Variants in MEP1B observed in about 807,000 individuals in gnomAD.
The protein encoded by MEP1B is meprin A subunit beta, also known as N-benzoyl-L-tyrosyl-P-amino-benzoic acid hydrolase subunit beta.
In MEP1B, 80 loss-of-function variants were observed where a neutral mutation model predicts 84.6. That is an observed-to-expected ratio of 0.95 (90% CI 0.79 to 1.14). MEP1B has a LOEUF of 1.14. MEP1B is among the 50% of genes most tolerant of loss of function. MEP1B has a pLI of 0.00. For synonymous variants in MEP1B, 273 were observed against 288.1 expected (o/e 0.95, Z 0.53); for missense variants, 766 against 855.1 (o/e 0.90, Z 1.30).
chr18:32,217,854 T>C lies in MEP1B; in HGVS notation c.1980T>C (p.Thr660=), dbSNP rs2041109031. Residue 660 remains threonine, a synonymous_variant, in exon 14 of 15, where the codon ACT becomes ACC. Transcript: ENST00000269202. ...CCATAGTCATTGCTGTTTCATCTAC[T>C]GTTGCTGTGTTTGCCTTGATGCTGA... ...RDTIVIAVSS[T]VAVFALMLII... The C allele has an allele frequency of 3.1e-6, 5 of 1,613,766 alleles. No homozygotes were observed. The highest frequency in any genetic ancestry group is 1.3e-5 in the African/African-American group (1 of 74,904).
intron 9 of MEP1B, 116 bp from the exon 10 acceptor site, chr18:32,210,385 G>A (rs1486877526): frequency 9.0e-5 from 75 of 831,800 alleles, no homozygotes; most frequent in Non-Finnish European, 1.2e-4. Context: ...TCTCCCTGGC[G>A]ATTTATATAT....
chr18:32,214,996 T>C (rs2041067047), intron 11 of MEP1B, 86 bp from the exon 12 acceptor site: 1 of 931,832 alleles, frequency 1.1e-6, no homozygotes, highest in Non-Finnish European at 1.7e-6. Context: ...TCCAGCCTAA[T>C]TGTGTTTCAC....
intron 10 of MEP1B, among the ~76,000 whole-genome samples, chr18:32,212,886 T>C (rs937777450): frequency 3.3e-5 from 5 of 152,146 alleles, no homozygotes; most frequent in African/African-American, 1.2e-4. Context: ...GGGTGATCTA[T>C]TTGAGAAACA....
intron 5 of MEP1B, among the ~76,000 whole-genome samples, chr18:32,199,668 G>GTTCGTTCC (rs764626455): frequency 4.7e-4 from 60 of 126,930 alleles, no homozygotes; most frequent in East Asian, 1.4e-3. Flanking sequence ...CCTTTCGTTC[G>GTTCGTTCC]TTCCTTCCTT....
chr18:32,210,360 T>C, intron 9 of MEP1B, 141 bp from the exon 10 acceptor site: 2 of 676,284 alleles, frequency 3.0e-6, no homozygotes, highest in Non-Finnish European at 4.9e-6. Context: ...ATATGTAGCT[T>C]AGGCTTCTGT....
At chr18:32,192,748 A>T in intron 3 of MEP1B, 26 bp from the exon 4 acceptor site, 2 of 1,612,714 alleles carry the variant, frequency 1.2e-6, no homozygotes, top group African/African-American at 2.7e-5. Context: ...CAATTTGCTA[A>T]CATGAATTTT....
chr18:32,210,849 G>A (rs900344622), intron 10 of MEP1B, 133 bp downstream of exon 10: 1 of 708,454 alleles, frequency 1.4e-6, no homozygotes, highest in Non-Finnish European at 2.4e-6. Context: ...CTAGATTCTT[G>A]TTTTAAGCTG....
intron 10 of MEP1B, 94 bp downstream of exon 10, chr18:32,210,810 C>A: frequency 1.0e-6 from 1 of 971,486 alleles, no homozygotes. Context: ...AGGGCAGGGG[C>A]TACTGAGTCA....
intron 6 of MEP1B, 25 bp from the exon 7 acceptor site, chr18:32,204,157 C>T: frequency 6.3e-7 from 1 of 1,589,790 alleles, no homozygotes; most frequent in Non-Finnish European, 8.6e-7. Flanking sequence ...TTCTCTTCCC[C>T]CTTTCTTGTA....
At chr18:32,212,982 C>A in intron 10 of MEP1B, 134 bp from the exon 11 acceptor site, 2 of 795,934 alleles carry the variant, frequency 2.5e-6, no homozygotes, top group Non-Finnish European at 3.9e-6. Context: ...GGAGCTTTGG[C>A]AAAACCATAC....
In MEP1B at chr18:32,213,278, A is replaced by C; in HGVS notation, c.1298A>C (p.His433Pro). 2.5e-6 allele frequency: 4 copies of C among 1,614,014 alleles called. No homozygotes were observed. Among genetic ancestry groups the C allele is most frequent in the Non-Finnish European group, 2.5e-6 (3 of 1,179,876 alleles). Residue 433 changes from histidine (H) to proline (P), a missense_variant, in exon 11 of 15, where the codon CAT becomes CCT. By Grantham distance (77) the His-to-Pro change is moderately conservative. Transcript: ENST00000269202. ...SETRCPHHIW[H>P]IRNFTQFIGS... ...ACACGGTGCCCTCATCATATCTGGCATATAAGGAATTTCACACAGTTCATT... is the reference window on the plus strand; with the variant it reads ...ACACGGTGCCCTCATCATATCTGGCCTATAAGGAATTTCACACAGTTCATT...
intron 5 of MEP1B, among the ~76,000 whole-genome samples, chr18:32,198,946 A>C (rs1331583038): frequency 6.6e-6 from 1 of 152,172 alleles, no homozygotes; most frequent in Non-Finnish European, 1.5e-5. Flanking sequence ...TGTTAGATTT[A>C]GTGATTGACT....
chr18:32,212,677 T>C (rs1223915024), intron 10 of MEP1B, among the ~76,000 whole-genome samples: 1 of 152,220 alleles, frequency 6.6e-6, no homozygotes, highest in Non-Finnish European at 1.5e-5. Flanking sequence ...TTGAAGACTT[T>C]GTATGTGAGG....
chr18:32,201,156 G>A (rs1234398658), intron 5 of MEP1B, among the ~76,000 whole-genome samples: 1 of 152,056 alleles, frequency 6.6e-6, no homozygotes, highest in African/African-American at 2.4e-5. Flanking sequence ...AAACTAGTAT[G>A]CTCTTTTACA....
rs1230182861 is a variant in MEP1B at position 32,195,409 on chromosome 18, A to G, written c.174A>G (p.Ala58=). Residue 58 remains alanine, a splice_region_variant and synonymous_variant, in exon 5 of 15, where the codon GCA becomes GCG. Coordinates refer to ENST00000269202, the MANE Select transcript of MEP1B (RefSeq NM_005925.3). ...LFEGDIRLDR[A]QIRNSIIGEK... ...CCTTTTGCATTTATTTTTGACAGGC[A>G]CAAATTAGAAATTCCATCATTGGAG... 5.6e-6 allele frequency: 9 copies of G among 1,606,352 alleles called. No homozygotes were observed. The highest frequency in any genetic ancestry group is 1.7e-5 in the Admixed American group (1 of 59,808).
At chr18:32,213,838 T>A (rs1170190427) in intron 11 of MEP1B, among the ~76,000 whole-genome samples, 1 of 152,210 alleles carries the variant, frequency 6.6e-6, no homozygotes, top group Non-Finnish European at 1.5e-5. Context: ...AAGTGTTGGT[T>A]TTAGAGTCTG....
At chr18:32,220,045 A>C (rs1419106417) in intron 14 of MEP1B, among the ~76,000 whole-genome samples, 186 bp from the exon 15 acceptor site, 1 of 152,192 alleles carries the variant, frequency 6.6e-6, no homozygotes, top group Non-Finnish European at 1.5e-5. Context: ...CATCTGAATA[A>C]TGTGGGCCCG....
chr18:32,203,175 G>A (rs2040930235), intron 6 of MEP1B, 165 bp downstream of exon 6: 1 of 518,630 alleles, frequency 1.9e-6, no homozygotes, highest in African/African-American at 1.9e-5. Context: ...TGTAGACATA[G>A]AAATTATATT....
rs1453100778 is a variant in MEP1B at position 32,220,394 on chromosome 18, T to C, written c.*149T>C. On this transcript the variant is annotated 3_prime_UTR_variant, in exon 15 of 15. Coordinates refer to ENST00000269202, the MANE Select transcript of MEP1B (RefSeq NM_005925.3). ...GAAATATTATAAATCACTATTTTGG[T>C]CAAAGTCAAATTGGTGAAATGCTGT... 2.7e-6 allele frequency: 2 copies of C among 744,644 alleles called. No homozygotes were observed. Among genetic ancestry groups the C allele is most frequent in the Non-Finnish European group, 2.2e-6 (1 of 460,544 alleles). The allele number at this position is 744,644 out of a possible 1,614,324, so 46.1% of individuals were successfully genotyped here. A position where few individuals can be genotyped will look rare whatever the true frequency, so the allele number is the denominator to read the frequency against.
Sources: allele counts gnomAD v4.1 joint callset (sites outside exome capture counted in the v4.1 genomes callset), GRCh38; gene constraint gnomAD v4.1.1; transcripts MANE v1.5; gene names NCBI Gene and HGNC (gene_info 2026-07-23, HGNC 2026-07-21).